The following ITGB8 variants were observed in gnomAD, a reference collection of about 807,000 sequenced individuals.
The protein encoded by ITGB8 is integrin subunit beta 8, also known as integrin beta-8.
A neutral mutation model predicts 89.5 loss-of-function variants in ITGB8; 30 were observed. The observed-to-expected ratio is 0.34, with a 90% CI of 0.25 to 0.45. The LOEUF (loss-of-function observed/expected upper bound fraction) is 0.45. Among genes scored for constraint, ITGB8 ranks in the 20% least tolerant of loss-of-function variants. ITGB8 has a pLI of 1.00. For synonymous variants in ITGB8, 335 were observed against 320.4 expected, an observed-to-expected ratio of 1.05 and a Z score of -0.49; for missense variants, 836 against 933.3, an observed-to-expected ratio of 0.90 and a Z score of 1.36.
In ITGB8 at chr7:20,363,695, T is replaced by C; in HGVS notation, c.186T>C (p.Gly62=). The C allele has an allele frequency of 6.2e-7, 1 of 1,604,870 alleles. No homozygotes were observed. Among genetic ancestry groups the C allele is most frequent in the Non-Finnish European group, 8.5e-7 (1 of 1,177,216 alleles). The change falls in exon 2 of 14, where the codon GGT becomes GGC. Residue 62 remains glycine, a synonymous_variant. Coordinates refer to ENST00000222573, the MANE Select transcript of ITGB8 (RefSeq NM_002214.3). ...CCTGTGCCAGGTGCCTTGCGCTGGG[T>C]CCAGAATGTGGATGGTGTGTTCAAG... is the stretch of plus-strand genomic sequence containing the variant. ...AASCARCLAL[G]PECGWCVQED...
At chr7:20,355,593 T>C (rs540492990) in intron 1 of ITGB8, among the ~76,000 whole-genome samples, 42 of 152,304 alleles carry the variant, frequency 2.8e-4, no homozygotes, top group Admixed American at 2.4e-3. Context: ...TAAACATAAA[T>C]ACTATTGTAG....
At chr7:20,343,176 G>A (rs1285317705) in intron 1 of ITGB8, among the ~76,000 whole-genome samples, 1 of 152,198 alleles carries the variant, frequency 6.6e-6, no homozygotes, top group East Asian at 1.9e-4. Context: ...GTTGGATATT[G>A]GCAGACAATT....
intron 8 of ITGB8, among the ~76,000 whole-genome samples, chr7:20,395,448 T>TC (rs1787033492): frequency 6.6e-6 from 1 of 152,226 alleles, no homozygotes; most frequent in African/African-American, 2.4e-5. Flanking sequence ...ACTTGATTGT[T>TC]CAACAATTAT....
intron 1 of ITGB8, chr7:20,352,913 C>A (rs1785159216): frequency 6.6e-6 from 1 of 152,126 alleles, no homozygotes. Flanking sequence ...GCAATCAGAG[C>A]TTTTTCAATG....
chr7:20,406,475 G>A (rs922262021), intron 12 of ITGB8, among the ~76,000 whole-genome samples: 6 of 151,848 alleles, frequency 4.0e-5, no homozygotes, highest in African/African-American at 7.3e-5. Context: ...CCTTGAATCC[G>A]GGAGGCGGAG....
At chr7:20,378,317 C>T (rs961695695) in intron 3 of ITGB8, among the ~76,000 whole-genome samples, 7 of 152,146 alleles carry the variant, frequency 4.6e-5, no homozygotes, top group African/African-American at 1.7e-4. Context: ...TCATGGGCCC[C>T]CTCCTCAGCA....
At chr7:20,407,688 G>A (rs933562684) in intron 12 of ITGB8, among the ~76,000 whole-genome samples, 1 of 152,190 alleles carries the variant, frequency 6.6e-6, no homozygotes, top group Non-Finnish European at 1.5e-5. Context: ...AGAAAGCCAA[G>A]TGCCTTTCTA....
chr7:20,399,516 G>A (rs931241641), intron 9 of ITGB8, among the ~76,000 whole-genome samples: 4 of 150,772 alleles, frequency 2.7e-5, no homozygotes, highest in African/African-American at 9.8e-5. Context: ...CTAGAAGGAG[G>A]TAGGGAAATT....
rs1366372301 is a variant in ITGB8 at position 20,412,603 on chromosome 7, T to C, written c.*2606T>C. ...TTATAGTGGACCAAGGCTGTTACCA[T>C]AGGAAGGGACAAACTTCCTTGTAGG... On this transcript the variant is annotated 3_prime_UTR_variant, in exon 14 of 14. Coordinates refer to ENST00000222573, the MANE Select transcript of ITGB8 (RefSeq NM_002214.3). The C allele has an allele frequency of 6.6e-6, 1 of 152,622 alleles. No individual in the cohort carries two copies. The highest frequency in any genetic ancestry group is 1.5e-5 in the Non-Finnish European group (1 of 68,020). The allele number at this position is 152,622 out of a possible 1,614,324, so 9.5% of individuals were successfully genotyped here.
At chr7:20,357,470 A>G (rs1260708813) in intron 1 of ITGB8, among the ~76,000 whole-genome samples, 6 of 152,180 alleles carry the variant, frequency 3.9e-5, no homozygotes, top group African/African-American at 1.4e-4. Context: ...TAATATACAC[A>G]TGAACATACA....
At chr7:20,386,325 G>A (rs530895848) in intron 6 of ITGB8, among the ~76,000 whole-genome samples, 13 of 147,474 alleles carry the variant, frequency 8.8e-5, no homozygotes, top group African/African-American at 2.3e-4. Context: ...TGTAACCTCC[G>A]CCTCCCAGGT....
At chr7:20,393,096 G>T (rs559605608) in intron 7 of ITGB8, among the ~76,000 whole-genome samples, 1 of 152,152 alleles carries the variant, frequency 6.6e-6, no homozygotes, top group Non-Finnish European at 1.5e-5. Context: ...TTGCCCAAGG[G>T]TTTCTAACAA....
chr7:20,398,149 G>C (rs2127979476), intron 8 of ITGB8, among the ~76,000 whole-genome samples: 1 of 152,312 alleles, frequency 6.6e-6, no homozygotes, highest in South Asian at 2.1e-4. Context: ...TATTGAATGA[G>C]TGTATACATG....
At chr7:20,369,534 G>A (rs1353536429) in intron 3 of ITGB8, among the ~76,000 whole-genome samples, 1 of 152,112 alleles carries the variant, frequency 6.6e-6, no homozygotes, top group African/African-American at 2.4e-5. Flanking sequence ...CCATCCTCAT[G>A]ACCTCATCTA....
chr7:20,384,495 C>T (rs1026522592), intron 6 of ITGB8, among the ~76,000 whole-genome samples: 12 of 152,192 alleles, frequency 7.9e-5, no homozygotes, highest in Non-Finnish European at 1.3e-4. Flanking sequence ...ACTCTGCATA[C>T]AGCATCAAAT....
chr7:20,342,678 A>ATT (rs201576384), intron 1 of ITGB8, among the ~76,000 whole-genome samples: 10 of 145,048 alleles, frequency 6.9e-5, no homozygotes, highest in African/African-American at 2.5e-4. Context: ...TTTTTCATTC[A>ATT]TTTTTTTTTT....
chr7:20,350,655 G>C (rs1043331416), intron 1 of ITGB8, among the ~76,000 whole-genome samples: 2 of 152,186 alleles, frequency 1.3e-5, no homozygotes, highest in Non-Finnish European at 2.9e-5. Flanking sequence ...CATCATCAAC[G>C]AGGAAGCAAA....
At chr7:20,349,753 G>A (rs1785049954) in intron 1 of ITGB8, among the ~76,000 whole-genome samples, 1 of 152,158 alleles carries the variant, frequency 6.6e-6, no homozygotes. Context: ...ATAGTTTAAT[G>A]TTTTGCTATA....
In ITGB8 at chr7:20,415,608, C is replaced by T. The variant is rs1390184043; in HGVS notation, c.*5611C>T. The T allele has an allele frequency of 6.6e-6, 1 of 152,488 alleles. No individual in the cohort carries two copies. Among genetic ancestry groups the T allele is most frequent in the Non-Finnish European group, 1.5e-5 (1 of 67,996 alleles). The allele number at this position is 152,488 out of a possible 1,614,324, so 9.4% of individuals were successfully genotyped here. A position where few individuals can be genotyped will look rare whatever the true frequency, so the allele number is the denominator to read the frequency against. On this transcript the variant is annotated 3_prime_UTR_variant, in exon 14 of 14. Transcript: ENST00000222573. ...TTTTATGTATTTATTAAAGAGCTGA[C>T]ACTGTAGTTTGTGGTGAGATGTTTA... is the stretch of plus-strand genomic sequence containing the variant.
Sources: gnomAD v4.1 joint callset for allele counts (sites outside exome capture counted in the v4.1 genomes callset) on GRCh38, gnomAD v4.1.1 for gene constraint, MANE v1.5 for transcripts, NCBI Gene and HGNC (gene_info 2026-07-23, HGNC 2026-07-21) for gene names.